Variants in SQOR observed in about 807,000 individuals in gnomAD.
SQOR encodes the protein sulfide:quinone oxidoreductase, mitochondrial.
In SQOR, 39 loss-of-function variants were observed where a neutral mutation model predicts 48.6. The observed-to-expected ratio is 0.80, with a 90% CI of 0.62 to 1.05. The LOEUF is 1.05. Ranked by LOEUF, SQOR falls within the 50% of genes least tolerant of loss-of-function variation. The pLI is 0.00. For missense variants in SQOR, 561 were observed against 559.9 expected (o/e 1.00, Z -0.02); for synonymous variants, 220 against 206.2 (o/e 1.07, Z -0.57).
chr15:45,651,494 G>A (rs956607626), intron 1 of SQOR, among the ~76,000 whole-genome samples: 4 of 152,280 alleles, frequency 2.6e-5, no homozygotes, highest in Non-Finnish European at 5.9e-5. Context: ...AGCATGGCCA[G>A]AGCGGATGCC....
chr15:45,637,869 C>T (rs1895032232), intron 1 of SQOR, among the ~76,000 whole-genome samples: 2 of 152,296 alleles, frequency 1.3e-5, no homozygotes, highest in East Asian at 1.9e-4. Flanking sequence ...TTTTCTTCTC[C>T]TTTCACGTTT....
chr15:45,681,408 T>A (rs1890125733), intron 6 of SQOR, among the ~76,000 whole-genome samples: 1 of 152,274 alleles, frequency 6.6e-6, no homozygotes, highest in East Asian at 1.9e-4. Context: ...TTTGCAGTGC[T>A]CCTTCCCTGA....
chr15:45,632,185 C>G (rs997983060), upstream of SQOR, among the ~76,000 whole-genome samples: 7 of 129,026 alleles, frequency 5.4e-5, no homozygotes, highest in Admixed American at 4.9e-4. Flanking sequence ...CATTTCCCTC[C>G]CCCTCCCCTC....
At chr15:45,633,576 C>T (rs1182263962), upstream of SQOR, among the ~76,000 whole-genome samples, 1 of 151,858 alleles carries the variant, frequency 6.6e-6, no homozygotes, top group Non-Finnish European at 1.5e-5. Context: ...TGCCTGTAGT[C>T]CCAGCTACTC....
At chr15:45,636,130 G>T (rs1365375295) in intron 1 of SQOR, among the ~76,000 whole-genome samples, 3 of 152,030 alleles carry the variant, frequency 2.0e-5, no homozygotes, top group African/African-American at 7.2e-5. Context: ...CGCTGGACCA[G>T]AACAATGCTT....
chr15:45,684,178 G>T (rs911033819), intron 7 of SQOR, among the ~76,000 whole-genome samples: 1 of 152,154 alleles, frequency 6.6e-6, no homozygotes, highest in Non-Finnish European at 1.5e-5. Flanking sequence ...CTCCCAAAGT[G>T]CTAGGATTAC....
chr15:45,661,289 T>TAGAAAAA lies in SQOR; in HGVS notation c.235-666_235-665insAGAAAAA, dbSNP rs777334925. On this transcript the variant is annotated intron_variant, in intron 2 of 9. Coordinates refer to ENST00000260324, the MANE Select transcript of SQOR (RefSeq NM_021199.4). ...TGGGGTGATTGGGCGAGACTCTGTC[T>TAGAAAAA]TAAAAAAAAAAAAAAAAAAAAAAAA... Among the ~76,000 whole-genome samples the TAGAAAAA allele has an allele frequency of 4.7e-5, 4 of 84,378 alleles. 1 individual carries two copies. The highest frequency in any genetic ancestry group is 4.6e-5 in the African/African-American group (1 of 21,852). 55.4% of individuals were successfully genotyped at this position (84,378 alleles called of 152,430 possible).
intron 1 of SQOR, among the ~76,000 whole-genome samples, chr15:45,647,473 C>T (rs946617758): frequency 6.6e-6 from 1 of 151,528 alleles, no homozygotes; most frequent in Non-Finnish European, 1.5e-5. Context: ...ATTATAGAAG[C>T]ACACCACCAC....
chr15:45,689,059 T>C lies in SQOR; in HGVS notation c.1137T>C (p.Cys379=), dbSNP rs1470441614. 6.2e-7 allele frequency: 1 copy of C among 1,614,140 alleles called. No homozygotes were observed. Among genetic ancestry groups the C allele is most frequent in the Non-Finnish European group, 8.5e-7 (1 of 1,180,006 alleles). ...PTKKYDGYTS[C]PLVTGYNRVI... is the part of the protein sequence containing the mutation. ...TTTAGTATGATGGCTACACATCATG[T>C]CCACTGGTGACCGGCTACAACCGTG... is the stretch of plus-strand genomic sequence containing the variant. The change falls in exon 9 of 10, where the codon TGT becomes TGC. Residue 379 remains cysteine, a synonymous_variant. Coordinates refer to ENST00000260324, the MANE Select transcript of SQOR (RefSeq NM_021199.4).
chr15:45,673,822 C>A, intron 5 of SQOR, 21 bp downstream of exon 5: 1 of 1,611,102 alleles, frequency 6.2e-7, no homozygotes, highest in Non-Finnish European at 8.5e-7. Flanking sequence ...TTTCTGGGGA[C>A]AGAGATGAGC....
chr15:45,631,940 A>G (rs1180144724), upstream of SQOR: 5 of 152,180 alleles, frequency 3.3e-5, no homozygotes, highest in African/African-American at 1.2e-4. Flanking sequence ...ATGCCTAGAC[A>G]GCGGGCACAG....
intron 1 of SQOR, among the ~76,000 whole-genome samples, chr15:45,637,840 TC>T (rs143196746): frequency 6.6e-6 from 1 of 152,354 alleles, no homozygotes; most frequent in East Asian, 1.9e-4. Flanking sequence ...ACAAGGCATT[TC>T]TGGGCATAGA....
chr15:45,690,339 T>G (rs1232935174), intron 9 of SQOR, among the ~76,000 whole-genome samples: 1 of 152,222 alleles, frequency 6.6e-6, no homozygotes, highest in Non-Finnish European at 1.5e-5. Context: ...GTGCTGGGAT[T>G]ACCGGTGTGA....
chr15:45,661,994 G>T lies in SQOR; in HGVS notation c.274G>T (p.Gly92Cys). ...GCCAATCTGGACACTGGTGGGTGCT[G>T]GTGCCAAACAATTGTCCTCATCTGG... The part of the protein sequence containing the change: ...YQPIWTLVGA[G>C]AKQLSSSGRP... The change falls in exon 3 of 10, where the codon GGT (glycine) becomes TGT (cysteine). Residue 92 changes from glycine (G) to cysteine (C), a missense_variant. By Grantham distance (159) the Gly-to-Cys change is radical. Coordinates refer to ENST00000260324, the MANE Select transcript of SQOR (RefSeq NM_021199.4). 1.2e-6 allele frequency: 2 copies of T among 1,614,164 alleles called. No individual in the cohort carries two copies. Among genetic ancestry groups the T allele is most frequent in the Non-Finnish European group, 1.7e-6 (2 of 1,180,018 alleles).
In SQOR at chr15:45,688,000, G is replaced by A. The variant is rs573231036; in HGVS notation, c.1049-337G>A. Among the ~76,000 whole-genome samples, 60 of 152,300 alleles carry A rather than the reference G, an allele frequency of 3.9e-4. 1 individual carries two copies. In the South Asian group the frequency reaches 0.012, roughly 32 times the overall value. ...CAGGGACACAGGGATAACCCACATG[G>A]TCAAGAACACTGACTAAGTGGACAC... On this transcript the variant is annotated intron_variant, in intron 7 of 9. Transcript: ENST00000260324.
intron 8 of SQOR, 105 bp downstream of exon 8, chr15:45,688,509 G>GTT: frequency 1.3e-6 from 1 of 783,548 alleles, no homozygotes; most frequent in South Asian, 2.3e-5. Flanking sequence ...CTTTTTTTCT[G>GTT]TTTTTCTTTT....
intron 4 of SQOR, 29 bp downstream of exon 4, chr15:45,670,010 G>A (rs756551822): frequency 1.9e-4 from 303 of 1,607,466 alleles, no homozygotes; most frequent in Non-Finnish European, 2.4e-4. Flanking sequence ...TCTGTGTTAC[G>A]CTGGCTTATC....
intron 1 of SQOR, among the ~76,000 whole-genome samples, chr15:45,654,606 A>T (rs1889560698): frequency 6.6e-6 from 1 of 152,218 alleles, no homozygotes; most frequent in Non-Finnish European, 1.5e-5. Context: ...GGAGCTAGTG[A>T]AGTGGCTACA....
intron 1 of SQOR, among the ~76,000 whole-genome samples, chr15:45,648,485 T>A (rs1262398955): frequency 6.6e-6 from 1 of 152,252 alleles, no homozygotes; most frequent in Non-Finnish European, 1.5e-5. Context: ...CAGAATAGAT[T>A]ATTTTCCTAC....
Sources: gnomAD v4.1 joint callset for allele counts (sites outside exome capture counted in the v4.1 genomes callset) on GRCh38, gnomAD v4.1.1 for gene constraint, MANE v1.5 for transcripts, NCBI Gene and HGNC (gene_info 2026-07-23, HGNC 2026-07-21) for gene names.